Variants in KIAA2012 observed in about 807,000 individuals in gnomAD.
The protein encoded by KIAA2012 is uncharacterized protein KIAA2012.
A neutral mutation model predicts 150.6 loss-of-function variants in KIAA2012; 125 were observed. The observed-to-expected ratio is 0.83, with a 90% CI of 0.72 to 0.96. KIAA2012 has a LOEUF of 0.96. KIAA2012 is among the 40% of genes least tolerant of loss of function. The pLI is 0.00. For missense variants in KIAA2012, 1,219 were observed against 1,354.9 expected, an observed-to-expected ratio of 0.90 and a Z score of 1.57; for synonymous variants, 462 against 504.7, an observed-to-expected ratio of 0.92 and a Z score of 1.13.
intron 14 of KIAA2012, among the ~76,000 whole-genome samples, chr2:202,164,995 A>G (rs888328544): frequency 6.6e-6 from 1 of 151,332 alleles, no homozygotes; most frequent in Non-Finnish European, 1.5e-5. Flanking sequence ...CCCAGGCTGG[A>G]CTCAAACTCC....
intron 4 of KIAA2012, among the ~76,000 whole-genome samples, chr2:202,095,977 G>A (rs866818146): frequency 1.4e-4 from 22 of 152,182 alleles, no homozygotes; most frequent in African/African-American, 5.1e-4. Flanking sequence ...CCAGCTACTC[G>A]GGAGGCTGAG....
At chr2:202,184,342 C>T (rs1331505292) in intron 15 of KIAA2012, among the ~76,000 whole-genome samples, 1 of 150,956 alleles carries the variant, frequency 6.6e-6, no homozygotes, top group African/African-American at 2.4e-5. Context: ...GGAGATCACG[C>T]CACTGCACTC....
chr2:202,126,286 G>T (rs1486488321), intron 12 of KIAA2012, among the ~76,000 whole-genome samples: 3 of 152,126 alleles, frequency 2.0e-5, no homozygotes, highest in African/African-American at 7.2e-5. Flanking sequence ...GGGCAGCAAT[G>T]AATCCTGCAT....
chr2:202,105,869 A>G lies in KIAA2012; in HGVS notation c.1433A>G (p.His478Arg), dbSNP rs1030430541. Residue 478 changes from histidine (H) to arginine (R), a missense_variant, in exon 9 of 24, where the codon CAT (histidine) becomes CGT (arginine). Transcript: ENST00000498697. ...SLETPWELTV[H>R]LPVDASRDTL... ...GAAACACCATGGGAGTTAACAGTGC[A>G]TCTCCCAGTGGACGCGAGCAGGGAC... 6.4e-7 allele frequency: 1 copy of G among 1,550,866 alleles called. No homozygotes were observed. Among genetic ancestry groups the G allele is most frequent in the Non-Finnish European group, 8.7e-7 (1 of 1,147,046 alleles).
Position 202,184,738 on chromosome 2 carries a change from ACTCTGTTTT to A in KIAA2012, c.2120-13_2120-5del. ...TGCCTGTTGTCCTTTATTGATTGAT[ACTCTGTTTT>A]CACAGACCCAGAGCCAAGGAGTATG... On this transcript the variant is annotated splice_region_variant and splice_polypyrimidine_tract_variant and intron_variant, in intron 15 of 23. Coordinates refer to ENST00000498697, the MANE Select transcript of KIAA2012 (RefSeq NM_001277372.4). 1 of 1,506,896 alleles carries A rather than the reference ACTCTGTTTT, an allele frequency of 6.6e-7. No homozygotes were observed. The highest frequency in any genetic ancestry group is 8.9e-7 in the Non-Finnish European group (1 of 1,127,218). 93.3% of individuals were successfully genotyped at this position (1,506,896 alleles called of 1,614,324 possible).
At chr2:202,102,798 A>T in intron 7 of KIAA2012, 148 bp from the exon 8 acceptor site, 2 of 704,562 alleles carry the variant, frequency 2.8e-6, no homozygotes, top group East Asian at 2.8e-5. Flanking sequence ...GCACCACTGA[A>T]GTCAGATACC....
At chr2:202,105,621 C>T (rs529155738) in intron 8 of KIAA2012, 140 bp from the exon 9 acceptor site, 3 of 1,133,658 alleles carry the variant, frequency 2.6e-6, no homozygotes, top group Admixed American at 5.3e-5. Context: ...GTTCCATAGC[C>T]CTCTCTGGAA....
chr2:202,148,673 G>A (rs1212018611), intron 13 of KIAA2012, among the ~76,000 whole-genome samples: 3 of 152,152 alleles, frequency 2.0e-5, no homozygotes, highest in Non-Finnish European at 2.9e-5. Flanking sequence ...GAGGCTATGC[G>A]GCCAGGCTGG....
intron 14 of KIAA2012, among the ~76,000 whole-genome samples, chr2:202,162,960 C>T (rs980435979): frequency 2.7e-5 from 4 of 150,178 alleles, no homozygotes; most frequent in African/African-American, 9.8e-5. Context: ...GATGCTTGTG[C>T]TTTTTAATGG....
In KIAA2012 at chr2:202,132,940, C is replaced by CA. The variant is rs751295726; in HGVS notation, c.1832-5477dup. On this transcript the variant is annotated intron_variant, in intron 12 of 23. Transcript: ENST00000498697. ...TGAAACCCCGTCTCTACTAAAAATA[C>CA]AAAAAAAAAAAAAAATTAGCCAGGT... Among the ~76,000 whole-genome samples, 375 of 91,048 alleles carry CA rather than the reference C, an allele frequency of 4.1e-3. 1 individual carries two copies. Among genetic ancestry groups the CA allele is most frequent in the African/African-American group, 0.011 (266 of 23,800 alleles). The allele number at this position is 91,048 out of a possible 152,430, so 59.7% of individuals were successfully genotyped here.
At chr2:202,189,369 G>A (rs780008111) in intron 18 of KIAA2012, among the ~76,000 whole-genome samples, 14 of 150,846 alleles carry the variant, frequency 9.3e-5, no homozygotes, top group Non-Finnish European at 1.9e-4. Context: ...TCGGCTCACT[G>A]CAACCTCCGC....
At chr2:202,074,461 AT>A (rs1689277207) in intron 1 of KIAA2012, among the ~76,000 whole-genome samples, 1 of 152,228 alleles carries the variant, frequency 6.6e-6, no homozygotes, top group Non-Finnish European at 1.5e-5. Context: ...AGCATCTGGA[AT>A]GTATAGAAAT....
intron 2 of KIAA2012, among the ~76,000 whole-genome samples, chr2:202,088,558 G>A (rs893449164): frequency 1.3e-5 from 2 of 152,212 alleles, no homozygotes; most frequent in Non-Finnish European, 2.9e-5. Flanking sequence ...AGTACTGAGA[G>A]ATTAGAAAGT....
At chr2:202,147,813 A>G (rs915147379) in intron 13 of KIAA2012, among the ~76,000 whole-genome samples, 1 of 152,128 alleles carries the variant, frequency 6.6e-6, no homozygotes, top group Non-Finnish European at 1.5e-5. Flanking sequence ...TGTGAGTTAG[A>G]AGGAGCTGGG....
intron 12 of KIAA2012, among the ~76,000 whole-genome samples, chr2:202,127,553 G>A (rs1245175613): frequency 1.3e-5 from 2 of 152,120 alleles, no homozygotes; most frequent in Admixed American, 1.3e-4. Flanking sequence ...ATGGAGAAGG[G>A]GACACTAGAA....
rs1174612867 is a variant in KIAA2012 at position 202,182,175 on chromosome 2, C to T, written c.2120-2578C>T. Among the ~76,000 whole-genome samples, 11 of 132,820 alleles carry T rather than the reference C, an allele frequency of 8.3e-5. No homozygotes were observed. The East Asian group carries it at 2.2e-3, about 27-fold the overall frequency. 87.1% of individuals were successfully genotyped at this position (132,820 alleles called of 152,430 possible). A position where few individuals can be genotyped will look rare whatever the true frequency, so the allele number is the denominator to read the frequency against. ...TGTTGCCCAGGCTGAAGTGCAATGG[C>T]GCGATCTCAGTTCACTGCAACCTCC... On this transcript the variant is annotated intron_variant, in intron 15 of 23. Coordinates refer to ENST00000498697, the MANE Select transcript of KIAA2012 (RefSeq NM_001277372.4).
intron 13 of KIAA2012, among the ~76,000 whole-genome samples, chr2:202,139,198 G>A (rs1691145155): frequency 6.7e-6 from 1 of 148,256 alleles, no homozygotes; most frequent in South Asian, 2.1e-4. Context: ...CTGAGATCAT[G>A]CTGCAGCCAG....
chr2:202,120,549 C>T (rs563098661), intron 11 of KIAA2012, among the ~76,000 whole-genome samples: 1 of 152,260 alleles, frequency 6.6e-6, no homozygotes, highest in South Asian at 2.1e-4. Flanking sequence ...CTTCTAGTCC[C>T]TCTTATCCAG....
intron 1 of KIAA2012, among the ~76,000 whole-genome samples, chr2:202,074,641 T>C (rs1296619745): frequency 6.6e-6 from 1 of 152,132 alleles, no homozygotes; most frequent in Non-Finnish European, 1.5e-5. Context: ...GCTGAGTTAA[T>C]CCTCCAGCCA....
Sources: allele counts gnomAD v4.1 joint callset (sites outside exome capture counted in the v4.1 genomes callset), GRCh38; gene constraint gnomAD v4.1.1; transcripts MANE v1.5; gene names NCBI Gene and HGNC (gene_info 2026-07-23, HGNC 2026-07-21).